The following PCBD2 variants were observed in gnomAD, a reference collection of about 807,000 sequenced individuals.
PCBD2 encodes pterin-4 alpha-carbinolamine dehydratase 2.
Under a neutral mutation model 16.4 loss-of-function variants are expected in PCBD2, and 12 were observed. The observed-to-expected ratio is 0.73, with a 90% CI of 0.47 to 1.19. The LOEUF (loss-of-function observed/expected upper bound fraction) is 1.19. Among genes scored for constraint, PCBD2 ranks in the 50% most tolerant of loss-of-function variants. PCBD2 has a pLI of 0.00. For missense variants in PCBD2, 138 were observed against 156.8 expected (o/e 0.88, Z 0.64); for synonymous variants, 58 against 61.8 (o/e 0.94, Z 0.29).
chr5:134,951,950 G>A (rs1751363230), intron 2 of PCBD2, among the ~76,000 whole-genome samples: 1 of 151,864 alleles, frequency 6.6e-6, no homozygotes, highest in South Asian at 2.1e-4. Context: ...TTTTTTGCCT[G>A]TCTTCTTCCT....
At chr5:134,910,512 C>A in intron 2 of PCBD2, 46 bp downstream of exon 2, 1 of 1,596,164 alleles carries the variant, frequency 6.3e-7, no homozygotes, top group East Asian at 2.2e-5. Flanking sequence ...ATTTTAGTCA[C>A]CTTAGGCCAT....
At chr5:134,925,467 G>C (rs1418172947) in intron 2 of PCBD2, 2 of 398,374 alleles carry the variant, frequency 5.0e-6, no homozygotes, top group Admixed American at 4.4e-5. Context: ...AGAAGGCGTG[G>C]GTACAGATGT....
intron 2 of PCBD2, among the ~76,000 whole-genome samples, chr5:134,916,963 G>T (rs1479477093): frequency 1.3e-5 from 2 of 152,224 alleles, no homozygotes; most frequent in Non-Finnish European, 2.9e-5. Flanking sequence ...GGTGGGATTG[G>T]CATTTGTAAA....
intron 2 of PCBD2, among the ~76,000 whole-genome samples, chr5:134,955,553 C>T (rs1255029407): frequency 1.3e-5 from 2 of 152,206 alleles, no homozygotes; most frequent in Non-Finnish European, 2.9e-5. Context: ...GGTGATCTGC[C>T]TGCCTCTGCC....
chr5:134,945,404 A>G (rs1751280142), intron 2 of PCBD2, among the ~76,000 whole-genome samples: 1 of 152,240 alleles, frequency 6.6e-6, no homozygotes, highest in South Asian at 2.1e-4. Flanking sequence ...GATCTTGTTT[A>G]TATACACTCA....
intron 2 of PCBD2, among the ~76,000 whole-genome samples, chr5:134,943,133 A>C (rs187599131): frequency 2.0e-5 from 3 of 152,218 alleles, no homozygotes; most frequent in Non-Finnish European, 2.9e-5. Context: ...ATGGATTAAT[A>C]AAAATGAAAA....
intron 2 of PCBD2, among the ~76,000 whole-genome samples, chr5:134,947,095 A>C (rs1479999123): frequency 6.8e-6 from 1 of 146,722 alleles, no homozygotes; most frequent in African/African-American, 2.5e-5. Flanking sequence ...AAAAAAAAAA[A>C]TTTTTTTTTT....
chr5:134,947,890 A>G (rs1245825363), intron 2 of PCBD2, among the ~76,000 whole-genome samples: 3 of 152,004 alleles, frequency 2.0e-5, no homozygotes, highest in Non-Finnish European at 4.4e-5. Context: ...AACTTTGGTA[A>G]TCTTTGCAAT....
intron 2 of PCBD2, among the ~76,000 whole-genome samples, chr5:134,956,008 TTGAG>T (rs748753439): frequency 3.9e-5 from 6 of 152,236 alleles, no homozygotes; most frequent in Non-Finnish European, 8.8e-5. Context: ...GAGTAGTTCT[TTGAG>T]TGTATATTTT....
rs895224492 is a variant in PCBD2, at chr5:134,961,429, G to A, written c.*748G>A. 2.0e-5 allele frequency among the ~76,000 whole-genome samples: 3 copies of A among 151,908 alleles called. No individual in the cohort carries two copies. Among genetic ancestry groups the A allele is most frequent in the Non-Finnish European group, 4.4e-5 (3 of 67,998 alleles). ...GCCTCCCGAGTAGCTGGGACTATAGGCACGTGCCACTGCGCCTAGCTAATT... is the reference window on the plus strand; with the variant it reads ...GCCTCCCGAGTAGCTGGGACTATAGACACGTGCCACTGCGCCTAGCTAATT... On this transcript the variant is annotated 3_prime_UTR_variant, in exon 4 of 4. Transcript: ENST00000254908.
chr5:134,952,299 A>G (rs1751367809), intron 2 of PCBD2, among the ~76,000 whole-genome samples: 1 of 152,042 alleles, frequency 6.6e-6, no homozygotes, highest in Non-Finnish European at 1.5e-5. Context: ...ATTCCTATCT[A>G]TCAGCATTCC....
At chr5:134,939,656 A>G (rs1179213955) in intron 2 of PCBD2, among the ~76,000 whole-genome samples, 1 of 152,190 alleles carries the variant, frequency 6.6e-6, no homozygotes, top group African/African-American at 2.4e-5. Flanking sequence ...TGAGACACCC[A>G]AGAAGGTTCA....
intron 2 of PCBD2, among the ~76,000 whole-genome samples, chr5:134,940,208 C>T (rs1751209054): frequency 6.6e-6 from 1 of 152,170 alleles, no homozygotes; most frequent in Admixed American, 6.5e-5. Context: ...AAAGTTAAAG[C>T]AGAGTACCAC....
chr5:134,909,545 C>T (rs1391385833), intron 1 of PCBD2, among the ~76,000 whole-genome samples: 1 of 152,248 alleles, frequency 6.6e-6, no homozygotes, highest in Non-Finnish European at 1.5e-5. Flanking sequence ...CTCTGGCCCC[C>T]TTACTGCTGC....
At chr5:134,939,290 A>C (rs1367777433) in intron 2 of PCBD2, among the ~76,000 whole-genome samples, 1 of 151,598 alleles carries the variant, frequency 6.6e-6, no homozygotes, top group African/African-American at 2.4e-5. Context: ...TCTTATTACA[A>C]GCTCATGTTA....
intron 1 of PCBD2, among the ~76,000 whole-genome samples, chr5:134,907,109 A>T (rs1446174596): frequency 6.6e-6 from 1 of 151,882 alleles, no homozygotes; most frequent in Non-Finnish European, 1.5e-5. Flanking sequence ...TGTTCTACAG[A>T]CTCCAGGTTC....
chr5:134,916,680 A>G (rs749312270), intron 2 of PCBD2, among the ~76,000 whole-genome samples: 1 of 152,236 alleles, frequency 6.6e-6, no homozygotes, highest in Non-Finnish European at 1.5e-5. Context: ...AAATAATCCA[A>G]ATTCATTGGA....
At chr5:134,907,181 A>AG (rs1469711906) in intron 1 of PCBD2, among the ~76,000 whole-genome samples, 3 of 152,278 alleles carry the variant, frequency 2.0e-5, no homozygotes, top group Non-Finnish European at 4.4e-5. Flanking sequence ...GTGGACACAC[A>AG]TAATTCTGTT....
intron 2 of PCBD2, among the ~76,000 whole-genome samples, chr5:134,955,944 C>G (rs1277924805): frequency 6.6e-6 from 1 of 152,202 alleles, no homozygotes; most frequent in African/African-American, 2.4e-5. Context: ...GATAATCAAA[C>G]TTTCGTTTGA....
Sources: allele counts gnomAD v4.1 joint callset (sites outside exome capture counted in the v4.1 genomes callset), GRCh38; gene constraint gnomAD v4.1.1; transcripts MANE v1.5; gene names NCBI Gene and HGNC (gene_info 2026-07-23, HGNC 2026-07-21).